Variants in AGPS observed in about 807,000 individuals in gnomAD.
AGPS encodes the protein alkyldihydroxyacetonephosphate synthase, peroxisomal.
AGPS carries 26 observed loss-of-function variants against 90.7 expected under a neutral mutation model. The observed-to-expected ratio is 0.29, with a 90% CI of 0.21 to 0.40. AGPS has a LOEUF of 0.40. Ranked by LOEUF, AGPS falls within the 10% of genes least tolerant of loss-of-function variation. The probability of loss-of-function intolerance (pLI) is 1.00; values close to 1 mark genes in which losing one functional copy is unlikely to be tolerated. For missense variants in AGPS, 540 were observed against 816.1 expected (o/e 0.66, Z 4.12); for synonymous variants, 294 against 285.3 (o/e 1.03, Z -0.31).
At chr2:177,420,401 T>C (rs1685910373) in intron 2 of AGPS, 43 bp downstream of exon 2, 1 of 1,419,586 alleles carries the variant, frequency 7.0e-7, no homozygotes, top group Admixed American at 1.7e-5. Context: ...CTTTAATTCT[T>C]TCTTTCTATG....
At chr2:177,437,556 A>G (rs1464665061) in intron 5 of AGPS, among the ~76,000 whole-genome samples, 3 of 152,156 alleles carry the variant, frequency 2.0e-5, no homozygotes, top group Non-Finnish European at 4.4e-5. Flanking sequence ...CAGGGGATGG[A>G]TGAGCTTTCT....
At chr2:177,497,838 C>A in intron 13 of AGPS, 73 bp downstream of exon 13, 1 of 767,692 alleles carries the variant, frequency 1.3e-6, no homozygotes, top group South Asian at 1.8e-5. Context: ...CCCACATGCA[C>A]CTATTGTAAG....
intron 1 of AGPS, among the ~76,000 whole-genome samples, chr2:177,396,683 A>C (rs1320507865): frequency 6.6e-6 from 1 of 152,192 alleles, no homozygotes; most frequent in Non-Finnish European, 1.5e-5. Context: ...AACTAAGATG[A>C]TGGCAATGAG....
chr2:177,500,462 T>A (rs1041654031), intron 14 of AGPS, among the ~76,000 whole-genome samples: 1 of 152,014 alleles, frequency 6.6e-6, no homozygotes, highest in Non-Finnish European at 1.5e-5. Flanking sequence ...TCTTTGTAAA[T>A]ATTTATTTTC....
rs141943653 is a variant in AGPS at position 177,456,279 on chromosome 2, G to A, written c.871-5614G>A. Among the ~76,000 whole-genome samples the A allele has an allele frequency of 6.5e-3, 990 of 152,310 alleles. 9 individuals are homozygous for A. The highest frequency in any genetic ancestry group is 0.023 in the African/African-American group (949 of 41,560). The stretch of plus-strand genomic sequence containing the variant: ...TTCTTACCAGCTAATGGCATTAACA[G>A]AGACACAGACCTTATAGGAGAAAGC... On this transcript the variant is annotated intron_variant, in intron 8 of 19. Coordinates refer to ENST00000264167, the MANE Select transcript of AGPS (RefSeq NM_003659.4).
In AGPS at chr2:177,541,527, G is replaced by A. The variant is rs993530773; in HGVS notation, c.*3332G>A. On this transcript the variant is annotated 3_prime_UTR_variant, in exon 20 of 20. Coordinates refer to ENST00000264167, the MANE Select transcript of AGPS (RefSeq NM_003659.4). ...GTGCTTGAGGCAGCCAAAATGGAAT[G>A]CTGTGGAAAGCATATCTATATCTTA... 1.3e-5 allele frequency: 2 copies of A among 152,176 alleles called. No individual in the cohort carries two copies. The highest frequency in any genetic ancestry group is 2.9e-5 in the Non-Finnish European group (2 of 68,014). The allele number at this position is 152,176 out of a possible 1,614,324, so 9.4% of individuals were successfully genotyped here.
chr2:177,482,035 A>T (rs1343151128), intron 10 of AGPS, 24 bp from the exon 11 acceptor site: 1 of 1,582,076 alleles, frequency 6.3e-7, no homozygotes, highest in East Asian at 2.3e-5. Context: ...GATGTACTGG[A>T]TTATTCCCCC....
At chr2:177,464,633 T>C (rs975906145) in intron 9 of AGPS, among the ~76,000 whole-genome samples, 1 of 152,262 alleles carries the variant, frequency 6.6e-6, no homozygotes, top group Admixed American at 6.5e-5. Context: ...ATTCCAACTA[T>C]AGTCCATCTC....
At chr2:177,397,459 A>T (rs1054036054) in intron 1 of AGPS, among the ~76,000 whole-genome samples, 58 of 147,182 alleles carry the variant, frequency 3.9e-4, no homozygotes, top group Admixed American at 1.6e-3. Context: ...TTGGTTTTGG[A>T]TTTTTTTCAG....
At chr2:177,530,125 A>C (rs1385574855) in intron 19 of AGPS, among the ~76,000 whole-genome samples, 1 of 152,208 alleles carries the variant, frequency 6.6e-6, no homozygotes, top group Non-Finnish European at 1.5e-5. Flanking sequence ...TTTGAGAAAG[A>C]TCCATACATT....
In AGPS at chr2:177,542,250, A is replaced by T. The variant is rs2079243644; in HGVS notation, c.*4055A>T. ...TCTCTTTGGATTTATAGCTGAGGAT[A>T]TTGTTAGCTAGGTTTTGTCAATCCC... On this transcript the variant is annotated 3_prime_UTR_variant, in exon 20 of 20. Coordinates refer to ENST00000264167, the MANE Select transcript of AGPS (RefSeq NM_003659.4). 1 of 152,146 alleles carries T rather than the reference A, an allele frequency of 6.6e-6. No homozygotes were observed. The highest frequency in any genetic ancestry group is 2.1e-4 in the South Asian group (1 of 4,834). 9.4% of individuals were successfully genotyped at this position (152,146 alleles called of 1,614,324 possible).
intron 1 of AGPS, among the ~76,000 whole-genome samples, chr2:177,397,988 C>T (rs540138012): frequency 7.2e-5 from 11 of 152,068 alleles, no homozygotes; most frequent in African/African-American, 1.2e-4. Context: ...GCTGAGATTG[C>T]GTCATTGTAC....
At chr2:177,445,795 G>A (rs1016912143) in intron 8 of AGPS, among the ~76,000 whole-genome samples, 169 bp downstream of exon 8, 2 of 152,140 alleles carry the variant, frequency 1.3e-5, no homozygotes, top group African/African-American at 4.8e-5. Context: ...TATGGGTCAA[G>A]CATTGAGCTA....
chr2:177,453,290 A>T (rs1214489983), intron 8 of AGPS, among the ~76,000 whole-genome samples: 3 of 148,258 alleles, frequency 2.0e-5, no homozygotes, highest in Non-Finnish European at 4.5e-5. Context: ...TTTCTTTGAG[A>T]CAGAGAGTTT....
At chr2:177,528,956 A>C (rs1663669537) in intron 19 of AGPS, among the ~76,000 whole-genome samples, 1 of 145,370 alleles carries the variant, frequency 6.9e-6, no homozygotes, top group African/African-American at 2.6e-5. Flanking sequence ...CCCGGGTTCA[A>C]GCTATTCTCC....
chr2:177,521,174 C>A, intron 17 of AGPS, 95 bp from the exon 18 acceptor site: 1 of 1,047,728 alleles, frequency 9.5e-7, no homozygotes, highest in Non-Finnish European at 1.5e-6. Flanking sequence ...ATATCTTAAA[C>A]TAATCATTTG....
chr2:177,535,443 A>G (rs2079174842), intron 19 of AGPS, among the ~76,000 whole-genome samples: 2 of 81,822 alleles, frequency 2.4e-5, no homozygotes, highest in Non-Finnish European at 6.6e-5. Flanking sequence ...TGGTCAGCTA[A>G]TTTCTGAATG....
Position 177,393,010 on chromosome 2 carries a change from C to G in AGPS, c.221C>G (p.Thr74Ser). 2 of 1,550,348 alleles carry G rather than the reference C, an allele frequency of 1.3e-6. No homozygotes were observed. The highest frequency in any genetic ancestry group is 2.4e-5 in the South Asian group (2 of 84,060). ...GCGGCCACGGCAGCGCCCACGGCCA[C>G]TCCCGCCGCGCAGGAGTCGGGCACC... is the stretch of plus-strand genomic sequence containing the variant. ...ASAATAAPTA[T>S]PAAQESGTIP... The change falls in exon 1 of 20, where the codon ACT (threonine) becomes AGT (serine). Residue 74 changes from threonine (T) to serine (S), a missense_variant. Around this residue, in one of 2 missense-constraint regions of AGPS, gnomAD observed 135 missense variants for 124.0 expected, o/e 1.09. Coordinates refer to ENST00000264167, the MANE Select transcript of AGPS (RefSeq NM_003659.4).
intron 2 of AGPS, 31 bp from the exon 3 acceptor site, chr2:177,434,296 C>G (rs1489245626): frequency 2.7e-6 from 4 of 1,484,762 alleles, no homozygotes; most frequent in Non-Finnish European, 3.8e-6. Flanking sequence ...AGATACTTTG[C>G]TCTAATATTT....
Sources: gnomAD v4.1 joint callset for allele counts (sites outside exome capture counted in the v4.1 genomes callset) on GRCh38, gnomAD v4.1.1 for gene constraint, gnomAD v4.1.1 regional missense constraint, MANE v1.5 for transcripts, NCBI Gene and HGNC (gene_info 2026-07-23, HGNC 2026-07-21) for gene names.